BCL2L11: variants seen among roughly 807,000 people sequenced by gnomAD.
BCL2L11 encodes the protein bcl-2-like protein 11.
BCL2L11 carries 15 observed loss-of-function variants against 20.6 expected under a neutral mutation model. The ratio of observed to expected loss-of-function variants is 0.73; its 90% confidence interval spans 0.49 to 1.12. The LOEUF (loss-of-function observed/expected upper bound fraction) is 1.12. Among genes scored for constraint, BCL2L11 ranks in the 50% most tolerant of loss-of-function variants. The probability of loss-of-function intolerance (pLI) is 0.00; values close to 1 mark genes in which losing one functional copy is unlikely to be tolerated. For synonymous variants in BCL2L11, 108 were observed against 92.8 expected (o/e 1.16, Z -0.94); for missense variants, 292 against 260.9 (o/e 1.12, Z -0.82).
chr2:111,123,284 A>G, intron 1 of BCL2L11: 1 of 985,362 alleles, frequency 1.0e-6, no homozygotes, highest in Non-Finnish European at 1.2e-6. Context: ...ATTTTCGGCA[A>G]ACAATGGGGC....
intron 3 of BCL2L11, among the ~76,000 whole-genome samples, chr2:111,155,615 G>A (rs1340267458): frequency 1.3e-5 from 2 of 152,132 alleles, no homozygotes; most frequent in Non-Finnish European, 2.9e-5. Flanking sequence ...TACCTTCTGT[G>A]GCTTCTAGGT....
intron 3 of BCL2L11, among the ~76,000 whole-genome samples, chr2:111,160,453 C>T (rs2078421497): frequency 6.6e-6 from 1 of 152,222 alleles, no homozygotes; most frequent in Non-Finnish European, 1.5e-5. Context: ...GAGCCCCTTA[C>T]CCTGAGAGGG....
At position 111,166,383 on chromosome 2, in the gene BCL2L11, C is replaced by T. The variant is rs919954904; in HGVS notation, c.*2152C>T. On this transcript the variant is annotated 3_prime_UTR_variant, in exon 4 of 4. Transcript: ENST00000393256. ...TCTGGCCTGGCGGCCTCCAGGCTGG[C>T]TGTGGAAACAGTTCCTGAGGAAATT... The T allele has an allele frequency of 2.6e-5, 4 of 152,656 alleles. No homozygotes were observed. Among genetic ancestry groups the T allele is most frequent in the Non-Finnish European group, 5.9e-5 (4 of 68,056 alleles). The allele number at this position is 152,656 out of a possible 1,614,324, so 9.5% of individuals were successfully genotyped here. A position where few individuals can be genotyped will look rare whatever the true frequency, so the allele number is the denominator to read the frequency against.
At chr2:111,155,646 A>T (rs1197955296) in intron 3 of BCL2L11, among the ~76,000 whole-genome samples, 1 of 152,162 alleles carries the variant, frequency 6.6e-6, no homozygotes, top group Non-Finnish European at 1.5e-5. Flanking sequence ...CAGGTTGTCC[A>T]GCTCAAGTCA....
intron 3 of BCL2L11, among the ~76,000 whole-genome samples, chr2:111,161,071 T>A (rs1447072963): frequency 1.3e-5 from 2 of 152,204 alleles, no homozygotes; most frequent in Non-Finnish European, 1.5e-5. Context: ...CCTCCGTGGG[T>A]TTCTGTGTCC....
intron 2 of BCL2L11, among the ~76,000 whole-genome samples, chr2:111,137,048 A>T (rs1220742816): frequency 6.6e-6 from 1 of 151,660 alleles, no homozygotes; most frequent in East Asian, 1.9e-4. Context: ...TTCGAACATC[A>T]CTCCTGAAAA....
chr2:111,136,731 T>C (rs1168579567), intron 2 of BCL2L11, among the ~76,000 whole-genome samples: 1 of 152,114 alleles, frequency 6.6e-6, no homozygotes, highest in Non-Finnish European at 1.5e-5. Context: ...ACTAATCCCA[T>C]TCCAATGGCC....
chr2:111,150,754 T>C (rs1398428274), intron 3 of BCL2L11, among the ~76,000 whole-genome samples: 2 of 152,262 alleles, frequency 1.3e-5, no homozygotes, highest in South Asian at 4.1e-4. Flanking sequence ...TATTTTGAGC[T>C]ATGTTCTTGA....
intron 3 of BCL2L11, among the ~76,000 whole-genome samples, chr2:111,154,058 G>C (rs950861406): frequency 6.6e-6 from 1 of 152,176 alleles, no homozygotes; most frequent in African/African-American, 2.4e-5. Flanking sequence ...AATAATTTCA[G>C]ACTTACAAAA....
At position 111,121,123 on chromosome 2, in the gene BCL2L11, G is replaced by C; in HGVS notation, c.-79G>C. 1 of 279,096 alleles carries C rather than the reference G, an allele frequency of 3.6e-6. No homozygotes were observed. The highest frequency in any genetic ancestry group is 6.7e-6 in the Non-Finnish European group (1 of 149,544). The allele number at this position is 279,096 out of a possible 1,614,324, so 17.3% of individuals were successfully genotyped here. A position where few individuals can be genotyped will look rare whatever the true frequency, so the allele number is the denominator to read the frequency against. ...GCTGCGTTCCCGCCGCCACCGCCTC[G>C]GCGCCCTTTCTTGGCCCTTGTTCCC... On this transcript the variant is annotated 5_prime_UTR_variant, in exon 1 of 4. Transcript: ENST00000393256.
chr2:111,155,745 C>T (rs1413372484), intron 3 of BCL2L11, among the ~76,000 whole-genome samples: 2 of 152,166 alleles, frequency 1.3e-5, no homozygotes, highest in Non-Finnish European at 2.9e-5. Context: ...CATGAAGCTG[C>T]TCTCCAGATG....
chr2:111,150,584 C>A (rs1336956138), intron 3 of BCL2L11, among the ~76,000 whole-genome samples: 2 of 152,208 alleles, frequency 1.3e-5, no homozygotes, highest in Non-Finnish European at 2.9e-5. Flanking sequence ...AAAAGACTCT[C>A]CTGCAATTTG....
At position 111,124,101 on chromosome 2, in the gene BCL2L11, C is replaced by T. The variant is rs2071911972; in HGVS notation, c.356C>T (p.Pro119Leu). The change falls in exon 2 of 4, where the codon CCT becomes CTT. Residue 119 changes from proline to leucine, a missense_variant. By Grantham distance (98) the Pro-to-Leu change is moderately conservative. Transcript: ENST00000393256. The stretch of plus-strand genomic sequence containing the variant: ...GACAAATCAACACAAACCCCAAGTC[C>T]TCCTTGCCAGGCCTTCAACCACTAT... ...SCDKSTQTPSPPCQAFNHYLS... is the reference protein window; with the variant it reads ...SCDKSTQTPSLPCQAFNHYLS... 13 of 1,613,472 alleles carry T rather than the reference C, an allele frequency of 8.1e-6. No homozygotes were observed. The East Asian group carries it at 2.9e-4, about 36-fold the overall frequency.
intron 2 of BCL2L11, among the ~76,000 whole-genome samples, chr2:111,130,561 G>A (rs1218010930): frequency 2.6e-5 from 4 of 152,300 alleles, no homozygotes; most frequent in Middle Eastern, 3.4e-3. Context: ...TGCAAATAGG[G>A]ACAGTTTTAT....
intron 3 of BCL2L11, chr2:111,151,725 G>A: frequency 1.0e-6 from 1 of 971,460 alleles, no homozygotes; most frequent in Non-Finnish European, 1.6e-6. Flanking sequence ...ACCTTTCTGT[G>A]GGGGTGTTTG....
At chr2:111,156,670 T>A (rs1005323608) in intron 3 of BCL2L11, among the ~76,000 whole-genome samples, 1 of 152,012 alleles carries the variant, frequency 6.6e-6, no homozygotes, top group African/African-American at 2.4e-5. Flanking sequence ...CAGAGTGTGA[T>A]CTCGTAGGAA....
At chr2:111,127,119 C>T (rs1460364311) in intron 2 of BCL2L11, among the ~76,000 whole-genome samples, 1 of 152,142 alleles carries the variant, frequency 6.6e-6, no homozygotes, top group Non-Finnish European at 1.5e-5. Context: ...TCTCCTTACA[C>T]TCTGGGAGGA....
intron 3 of BCL2L11, among the ~76,000 whole-genome samples, chr2:111,155,437 G>A (rs2150543716): frequency 1.3e-5 from 2 of 152,282 alleles, no homozygotes; most frequent in Middle Eastern, 6.8e-3. Flanking sequence ...CGGAGGTACT[G>A]GAAGGATAGT....
Position 111,161,451 on chromosome 2 carries a change from G to A in BCL2L11, c.499-2682G>A, listed in dbSNP as rs1253718619. 1.9e-6 allele frequency: 3 copies of A among 1,550,520 alleles called. No individual in the cohort carries two copies. The Admixed American group carries it at 5.9e-5, about 30-fold the overall frequency. On this transcript the variant is annotated intron_variant, in intron 3 of 3. Coordinates refer to ENST00000393256, the MANE Select transcript of BCL2L11 (RefSeq NM_138621.5). Reference sequence around the variant, plus strand: ...TTCCACCTGATTAAGAACCACTGTAGCAGACGCAGACTTATTGGACACTAG... The same window carrying A: ...TTCCACCTGATTAAGAACCACTGTAACAGACGCAGACTTATTGGACACTAG...
Sources: allele counts gnomAD v4.1 joint callset (sites outside exome capture counted in the v4.1 genomes callset), GRCh38; gene constraint gnomAD v4.1.1; transcripts MANE v1.5; gene names NCBI Gene and HGNC (gene_info 2026-07-23, HGNC 2026-07-21).